The following CNDP1 variants were observed in gnomAD, a reference collection of about 807,000 sequenced individuals.
CNDP1 encodes the protein carnosine dipeptidase 1.
CNDP1 carries 44 observed loss-of-function variants against 58.1 expected under a neutral mutation model. That is an observed-to-expected ratio of 0.76 (90% CI 0.60 to 0.97). The LOEUF (loss-of-function observed/expected upper bound fraction) is 0.97. Among genes scored for constraint, CNDP1 ranks in the 50% least tolerant of loss-of-function variants. CNDP1 has a pLI of 0.00. For missense variants in CNDP1, 616 were observed against 655.1 expected (o/e 0.94, Z 0.65); for synonymous variants, 254 against 252.6 (o/e 1.01, Z -0.05).
intron 1 of CNDP1, among the ~76,000 whole-genome samples, chr18:74,539,183 A>AG (rs1212558188): frequency 1.3e-5 from 2 of 151,176 alleles, no homozygotes; most frequent in Non-Finnish European, 3.0e-5. Context: ...CATCTCAAAA[A>AG]AAAAAAAGCC....
chr18:74,545,967 G>A lies in CNDP1; in HGVS notation c.25-10371G>A, dbSNP rs1235803160. On this transcript the variant is annotated intron_variant, in intron 1 of 11. Coordinates refer to ENST00000358821, the MANE Select transcript of CNDP1 (RefSeq NM_032649.6). This position sits in a 1 kb window ranked among gnomAD's most constrained non-coding sequence, Gnocchi z 4.1. ...TGCCCTGTTTCCCCATTGGAAACAC[G>A]CTTTTGCCTCCGAGGAACTCAAAGC... Among the ~76,000 whole-genome samples, 1 of 152,076 alleles carries A rather than the reference G, an allele frequency of 6.6e-6. No homozygotes were observed. Among genetic ancestry groups the A allele is most frequent in the African/African-American group, 2.4e-5 (1 of 41,394 alleles).
Position 74,545,702 on chromosome 18 carries a change from G to T in CNDP1, c.25-10636G>T, listed in dbSNP as rs780955193. Among the ~76,000 whole-genome samples, 2 of 151,804 alleles carry T rather than the reference G, an allele frequency of 1.3e-5. No individual in the cohort carries two copies. The highest frequency in any genetic ancestry group is 3.9e-4 in the East Asian group (2 of 5,174). On this transcript the variant is annotated intron_variant, in intron 1 of 11. Transcript: ENST00000358821. The surrounding 1 kb of genome is among the most constrained non-coding windows in gnomAD (Gnocchi z 4.1). ...TGCGGCCGGAACATCTTAATTTCAC[G>T]TGCTGCCCCCTGAGATTGTACAGTC...
chr18:74,552,635 A>G (rs140497308), intron 1 of CNDP1, among the ~76,000 whole-genome samples: 101 of 152,382 alleles, frequency 6.6e-4, no homozygotes, highest in African/African-American at 2.3e-3. Flanking sequence ...GTATAGCCAA[A>G]TAATATTTCA....
intron 1 of CNDP1, among the ~76,000 whole-genome samples, chr18:74,544,515 G>A (rs1172416124): frequency 2.0e-5 from 3 of 152,012 alleles, no homozygotes; most frequent in East Asian, 1.9e-4. Flanking sequence ...TCAGGAGTTC[G>A]AGACCAGCCA....
intron 2 of CNDP1, among the ~76,000 whole-genome samples, chr18:74,559,088 C>A (rs1305702506): frequency 6.6e-6 from 1 of 152,166 alleles, no homozygotes; most frequent in African/African-American, 2.4e-5. Context: ...GCCCGTCCTG[C>A]CTGACCTTCT....
At chr18:74,573,431 A>ATTCATCCATCCATCCATCCAT (rs565156580) in intron 7 of CNDP1, among the ~76,000 whole-genome samples, 1 of 141,768 alleles carries the variant, frequency 7.1e-6, no homozygotes, top group African/African-American at 2.7e-5. Flanking sequence ...CATCCATCCA[A>ATTCATCCATCCATCCATCCAT]CTATCTATCT....
intron 6 of CNDP1, 66 bp downstream of exon 6, chr18:74,567,499 T>C: frequency 7.4e-7 from 1 of 1,355,192 alleles, no homozygotes; most frequent in Non-Finnish European, 1.1e-6. Flanking sequence ...ACCAATCCAT[T>C]CTGGGATCTT....
At chr18:74,562,000 G>A (rs918724438) in intron 4 of CNDP1, 47 bp from the exon 5 acceptor site, 2 of 1,497,704 alleles carry the variant, frequency 1.3e-6, no homozygotes, top group African/African-American at 1.4e-5. Flanking sequence ...AACTCACATG[G>A]CAGAGGTGTC....
At position 74,559,475 on chromosome 18, in the gene CNDP1, G is replaced by C. The variant is rs1981130851; in HGVS notation, c.303+3G>C. 6.2e-7 allele frequency: 1 copy of C among 1,602,850 alleles called. No individual in the cohort carries two copies. Among genetic ancestry groups the C allele is most frequent in the Non-Finnish European group, 8.5e-7 (1 of 1,178,552 alleles). ...CGGTGGACATGGGTCCTCAGCAGGT[G>C]CTGTACGATTCCCTCCCACTGAGGG... On this transcript the variant is annotated splice_donor_region_variant and intron_variant, in intron 3 of 11. Coordinates refer to ENST00000358821, the MANE Select transcript of CNDP1 (RefSeq NM_032649.6).
At chr18:74,562,159 G>A in intron 5 of CNDP1, 24 bp downstream of exon 5, 2 of 1,607,096 alleles carry the variant, frequency 1.2e-6, no homozygotes, top group Non-Finnish European at 1.7e-6. Context: ...GTGTTTGGGA[G>A]AGAGGAGGAG....
chr18:74,537,250 G>A (rs1030951344), intron 1 of CNDP1, among the ~76,000 whole-genome samples: 21 of 152,068 alleles, frequency 1.4e-4, no homozygotes, highest in African/African-American at 5.1e-4. Context: ...TTGTCTTCCA[G>A]GGTTTTTAGA....
chr18:74,579,181 CTCCCTTTCCTTCCCTTCCCTTGCCT>C (rs367851773), intron 9 of CNDP1, among the ~76,000 whole-genome samples: 243 of 119,774 alleles, frequency 2.0e-3, no homozygotes, highest in African/African-American at 6.3e-3. Context: ...CTTCTCCCTT[CTCCCTTTCCTTCCCTTCCCTTGCCT>C]TCCCTTCCCT....
intron 3 of CNDP1, among the ~76,000 whole-genome samples, 156 bp from the exon 4 acceptor site, chr18:74,560,700 A>G (rs1981169368): frequency 6.6e-6 from 1 of 152,148 alleles, no homozygotes; most frequent in African/African-American, 2.4e-5. Context: ...AAAAGAAAAA[A>G]GAAAAAAAAA....
chr18:74,559,493 A>G (rs1981132151), intron 3 of CNDP1, 21 bp downstream of exon 3: 10 of 1,587,324 alleles, frequency 6.3e-6, no homozygotes, highest in Non-Finnish European at 8.5e-6. Flanking sequence ...ATTCCCTCCC[A>G]CTGAGGGAGG....
At position 74,586,018 on chromosome 18, in the gene CNDP1, A is replaced by T. The variant is rs1599106329; in HGVS notation, c.*1456A>T. On this transcript the variant is annotated 3_prime_UTR_variant, in exon 12 of 12. Transcript: ENST00000358821. ...CCAAAAAAAAAAAAAAAAAAAAAAAAAGCAGAACACATTTGCGTTCAACTT... is the reference window on the plus strand; with the variant it reads ...CCAAAAAAAAAAAAAAAAAAAAAAATAGCAGAACACATTTGCGTTCAACTT... 1 of 150,416 alleles carries T rather than the reference A, an allele frequency of 6.6e-6. No individual in the cohort carries two copies. Among genetic ancestry groups the T allele is most frequent in the East Asian group, 1.9e-4 (1 of 5,154 alleles). 9.3% of individuals were successfully genotyped at this position (150,416 alleles called of 1,614,324 possible). A position where few individuals can be genotyped will look rare whatever the true frequency, so the allele number is the denominator to read the frequency against.
At chr18:74,577,482 A>C (rs1377495237) in intron 8 of CNDP1, 3 of 153,446 alleles carry the variant, frequency 2.0e-5, no homozygotes, top group African/African-American at 7.2e-5. Context: ...GGACTAAGTA[A>C]ACACAAAGCT....
intron 1 of CNDP1, among the ~76,000 whole-genome samples, chr18:74,542,393 G>C (rs2144640143): frequency 6.6e-6 from 1 of 152,242 alleles, no homozygotes; most frequent in Non-Finnish European, 1.5e-5. Context: ...CCCGAATCTT[G>C]CTCTCCTCCA....
intron 5 of CNDP1, among the ~76,000 whole-genome samples, chr18:74,563,841 G>A (rs948972529): frequency 2.0e-5 from 3 of 152,146 alleles, no homozygotes; most frequent in South Asian, 2.1e-4. Context: ...TAATGCATGC[G>A]GCCTGCACAC....
chr18:74,567,371 A>C lies in CNDP1; in HGVS notation c.694A>C (p.Ile232Leu), dbSNP rs749437461. 1 of 1,614,160 alleles carries C rather than the reference A, an allele frequency of 6.2e-7. No individual in the cohort carries two copies. Among genetic ancestry groups the C allele is most frequent in the South Asian group, 1.1e-5 (1 of 91,078 alleles). ...CATTGTAATTTCAGATAACCTGTGG[A>C]TCAGCCAAAGGAAGCCAGCAATCAC... Reference protein sequence around the residue: ...DYIVISDNLWISQRKPAITYG... With the variant: ...DYIVISDNLWLSQRKPAITYG... Residue 232 changes from isoleucine (I) to leucine (L), a missense_variant, in exon 6 of 12, where the codon ATC (isoleucine) becomes CTC (leucine). Ile to Leu is a conservative substitution (Grantham distance 5). Coordinates refer to ENST00000358821, the MANE Select transcript of CNDP1 (RefSeq NM_032649.6).
Sources: allele counts gnomAD v4.1 joint callset (sites outside exome capture counted in the v4.1 genomes callset), GRCh38; gene constraint gnomAD v4.1.1; non-coding constraint Gnocchi (gnomAD v3.1); transcripts MANE v1.5; gene names NCBI Gene and HGNC (gene_info 2026-07-23, HGNC 2026-07-21).